COL27A1: variants seen among roughly 807,000 people sequenced by gnomAD.
COL27A1 encodes collagen alpha-1(XXVII) chain.
COL27A1 carries 106 observed loss-of-function variants against 251.3 expected under a neutral mutation model. The observed-to-expected ratio is 0.42, with a 90% confidence interval of 0.36 to 0.50. COL27A1 has a LOEUF of 0.50. Among genes scored for constraint, COL27A1 ranks in the 20% least tolerant of loss-of-function variants. The pLI is 0.00. For missense variants in COL27A1, 2,325 were observed against 2,522.8 expected (o/e 0.92, Z 1.68); for synonymous variants, 1,000 against 986.3 (o/e 1.01, Z -0.26).
Position 114,311,548 on chromosome 9 carries a change from G to GAAAAAAAAAAAAAAAAGA in COL27A1, c.*869_*870insGAAAAAAAAAAAAAAAAA, listed in dbSNP as rs1829448895. On this transcript the variant is annotated 3_prime_UTR_variant, in exon 61 of 61. Transcript: ENST00000356083. ...AGGAGGAAAAAAGAAAAGAAAAAAGGAAAAAAAAAAAAAAAAAGCAAAACA... is the reference window on the plus strand; with the variant it reads ...AGGAGGAAAAAAGAAAAGAAAAAAGGAAAAAAAAAAAAAAAAGAAAAAAAAAAAAAAAAAAGCAAAACA... The GAAAAAAAAAAAAAAAAGA allele has an allele frequency of 1.0e-5, 1 of 96,220 alleles. No homozygotes were observed. Among genetic ancestry groups the GAAAAAAAAAAAAAAAAGA allele is most frequent in the Non-Finnish European group, 2.4e-5 (1 of 41,940 alleles). 6.0% of individuals were successfully genotyped at this position (96,220 alleles called of 1,614,324 possible).
intron 31 of COL27A1, 130 bp downstream of exon 31, chr9:114,265,240 G>A: frequency 4.5e-6 from 5 of 1,119,952 alleles, no homozygotes; most frequent in Non-Finnish European, 6.6e-6. Context: ...GGTTCTGGTT[G>A]CCCACCTGCC....
chr9:114,247,473 AC>A (rs1833224877), intron 24 of COL27A1, among the ~76,000 whole-genome samples: 1 of 152,198 alleles, frequency 6.6e-6, no homozygotes, highest in Non-Finnish European at 1.5e-5. Context: ...ACTGACAGAG[AC>A]CCCGGGTTTA....
rs1490964646 is a variant in COL27A1 at position 114,300,616 on chromosome 9, C to T, written c.4639-9C>T. On this transcript the variant is annotated splice_polypyrimidine_tract_variant and intron_variant, in intron 50 of 60. Transcript: ENST00000356083. The stretch of plus-strand genomic sequence containing the variant: ...CAAGTACAGACAGCCCTTTCTCTGC[C>T]TCCCACAGGGCCCGCCTGGAGACAT... 6 of 1,536,096 alleles carry T rather than the reference C, an allele frequency of 3.9e-6. No homozygotes were observed. The highest frequency in any genetic ancestry group is 5.2e-6 in the Non-Finnish European group (6 of 1,143,448).
rs1241782623 is a variant in COL27A1 at position 114,283,731 on chromosome 9, C to T, written c.3902C>T (p.Ala1301Val). Residue 1301 changes from alanine (A) to valine (V), a missense_variant, in exon 40 of 61, where the codon GCC (alanine) becomes GTC (valine). By Grantham distance (64) the Ala-to-Val change is moderately conservative. Coordinates refer to ENST00000356083, the MANE Select transcript of COL27A1 (RefSeq NM_032888.4). ...GPTGAPGRMG[A>V]QGEPGLAGYD... ...TAGGGTGCTCCGGGACGCATGGGGG[C>T]CCAAGGAGAACCGGGACTGGCTGGT... The T allele has an allele frequency of 1.2e-6, 2 of 1,613,966 alleles. No individual in the cohort carries two copies.
chr9:114,165,480 A>G (rs1321017659), intron 2 of COL27A1, among the ~76,000 whole-genome samples: 2 of 147,758 alleles, frequency 1.4e-5, no homozygotes, highest in Non-Finnish European at 3.0e-5. Flanking sequence ...CTATCTACCA[A>G]TTCATCTACC....
At chr9:114,262,845 G>A (rs560113014) in intron 28 of COL27A1, among the ~76,000 whole-genome samples, 5 of 152,322 alleles carry the variant, frequency 3.3e-5, no homozygotes, top group South Asian at 4.1e-4. Context: ...TTAAGGCTGC[G>A]GTGTGGGATT....
At chr9:114,201,918 A>G (rs1829607300) in intron 7 of COL27A1, among the ~76,000 whole-genome samples, 1 of 152,104 alleles carries the variant, frequency 6.6e-6, no homozygotes, top group Admixed American at 6.5e-5. Flanking sequence ...AGGATGCGGG[A>G]TTGGAGTCAC....
chr9:114,222,406 G>A, intron 14 of COL27A1, 139 bp downstream of exon 14: 1 of 742,640 alleles, frequency 1.3e-6, no homozygotes, highest in Non-Finnish European at 2.1e-6. Context: ...AGGGGCTGGG[G>A]GGCCAGGAGA....
At chr9:114,236,711 C>T (rs1446574028) in intron 17 of COL27A1, among the ~76,000 whole-genome samples, 1 of 152,206 alleles carries the variant, frequency 6.6e-6, no homozygotes, top group Non-Finnish European at 1.5e-5. Context: ...AGAGGCACCA[C>T]AGAGCCTGCG....
chr9:114,270,594 C>T (rs1204361523), intron 35 of COL27A1, 134 bp from the exon 36 acceptor site: 2 of 653,104 alleles, frequency 3.1e-6, no homozygotes, highest in African/African-American at 1.9e-5. Flanking sequence ...CACTGTGTGC[C>T]AGGGCCCCCA....
chr9:114,211,154 T>C, intron 12 of COL27A1, 128 bp downstream of exon 12: 1 of 981,566 alleles, frequency 1.0e-6, no homozygotes, highest in Non-Finnish European at 1.6e-6. Context: ...GGGGGCCGCA[T>C]GTGGGGTTGT....
chr9:114,201,492 C>A (rs1829573255), intron 7 of COL27A1, among the ~76,000 whole-genome samples: 1 of 152,214 alleles, frequency 6.6e-6, no homozygotes, highest in Non-Finnish European at 1.5e-5. Flanking sequence ...CTGCTCCTGG[C>A]CATCCAGGAG....
At chr9:114,190,340 T>C (rs1484668137) in intron 5 of COL27A1, among the ~76,000 whole-genome samples, 3 of 152,168 alleles carry the variant, frequency 2.0e-5, no homozygotes, top group African/African-American at 7.2e-5. Context: ...GGTGCTATCA[T>C]AGCTCACTGC....
In COL27A1 at chr9:114,290,419, G is replaced by A. The variant is rs551738895; in HGVS notation, c.4368+88G>A. 3.4e-5 allele frequency: 41 copies of A among 1,219,598 alleles called. 1 individual carries two copies. The highest frequency in any genetic ancestry group is 3.0e-4 in the South Asian group (23 of 77,230). The allele number at this position is 1,219,598 out of a possible 1,614,324, so 75.5% of individuals were successfully genotyped here. A position where few individuals can be genotyped will look rare whatever the true frequency, so the allele number is the denominator to read the frequency against. ...CCCAGGCCATGGGCCAGAGGAGCCC[G>A]TTTGGAAACTTGGATGGGCAGAACC... On this transcript the variant is annotated intron_variant, in intron 47 of 60. Coordinates refer to ENST00000356083, the MANE Select transcript of COL27A1 (RefSeq NM_032888.4). The surrounding 1 kb of genome is among the most constrained non-coding windows in gnomAD (Gnocchi z 4.6).
intron 1 of COL27A1, among the ~76,000 whole-genome samples, chr9:114,160,473 T>C (rs1848424961): frequency 6.6e-6 from 1 of 151,758 alleles, no homozygotes; most frequent in African/African-American, 2.4e-5. Flanking sequence ...AAGTCTAGAG[T>C]CCTGTCATAT....
Position 114,155,997 on chromosome 9 carries a change from CG to C in COL27A1, c.49del (p.Ala17ArgfsTer13). ...GGGGCCCGAGGCACAGCGGCGGCGG[CG>C]GCGGCGCGCGGGGGGTGAGTACGAA... The part of the protein sequence containing the change: ...ARGARGTAAA[A>X]AARGGGFLFS... On this transcript the variant is annotated frameshift_variant, in exon 1 of 61. Coordinates refer to ENST00000356083, the MANE Select transcript of COL27A1 (RefSeq NM_032888.4). LOFTEE classifies it high-confidence loss of function. The surrounding 1 kb of genome is among the most constrained non-coding windows in gnomAD (Gnocchi z 5.5). The C allele has an allele frequency of 7.7e-7, 1 of 1,295,524 alleles. No homozygotes were observed. 80.3% of individuals were successfully genotyped at this position (1,295,524 alleles called of 1,614,324 possible).
rs374185403 is a variant in COL27A1 at position 114,283,641 on chromosome 9, A to G, written c.3880-68A>G. On this transcript the variant is annotated intron_variant, in intron 39 of 60. Transcript: ENST00000356083. Reference sequence around the variant, plus strand: ...TGGGCGGAGCGGGGCTGGAGCCTGCAGGGAGACTGCTGTGTCCCCGCTGTG... The same window carrying G: ...TGGGCGGAGCGGGGCTGGAGCCTGCGGGGAGACTGCTGTGTCCCCGCTGTG... 8.5e-5 allele frequency: 124 copies of G among 1,451,828 alleles called. No individual in the cohort carries two copies. The African/African-American group carries it at 1.6e-3, about 19-fold the overall frequency. 89.9% of individuals were successfully genotyped at this position (1,451,828 alleles called of 1,614,324 possible).
intron 56 of COL27A1, 71 bp from the exon 57 acceptor site, chr9:114,304,537 G>A: frequency 1.4e-6 from 2 of 1,425,234 alleles, no homozygotes; most frequent in Non-Finnish European, 2.0e-6. Flanking sequence ...ATGTGGCCCT[G>A]GGGCTCCCAC....
At chr9:114,300,183 A>G (rs1828521361) in intron 50 of COL27A1, 60 bp downstream of exon 50, 1 of 1,505,822 alleles carries the variant, frequency 6.6e-7, no homozygotes, top group African/African-American at 1.4e-5. Context: ...CCATTCATTC[A>G]TTTATTCATT....
Sources: allele counts gnomAD v4.1 joint callset (sites outside exome capture counted in the v4.1 genomes callset), GRCh38; gene constraint gnomAD v4.1.1; non-coding constraint Gnocchi (gnomAD v3.1); transcripts MANE v1.5; gene names NCBI Gene and HGNC (gene_info 2026-07-23, HGNC 2026-07-21).